ADAM28: variants seen among roughly 807,000 people sequenced by gnomAD.
The protein encoded by ADAM28 is disintegrin and metalloproteinase domain-containing protein 28.
In ADAM28, 105 loss-of-function variants were observed where a neutral mutation model predicts 101.2. The observed-to-expected ratio is 1.04, with a 90% CI of 0.89 to 1.22. The LOEUF (loss-of-function observed/expected upper bound fraction) is 1.22, where lower values mean the gene tolerates loss of function less well. Among genes scored for constraint, ADAM28 ranks in the 50% most tolerant of loss-of-function variants. ADAM28 has a pLI of 0.00. For missense variants in ADAM28, 1,028 were observed against 945.4 expected (o/e 1.09, Z -1.15); for synonymous variants, 322 against 310.6 (o/e 1.04, Z -0.39).
At chr8:24,335,675 C>A (rs6982284) in intron 14 of ADAM28, 34 bp downstream of exon 14, 6 of 1,521,274 alleles carry the variant, frequency 3.9e-6, no homozygotes, top group South Asian at 3.9e-5. Context: ...TGTGCATGTG[C>A]GAAGGAAAAT....
intron 1 of ADAM28, chr8:24,295,665 A>C (rs1807865380): frequency 6.6e-6 from 1 of 152,152 alleles, no homozygotes; most frequent in Non-Finnish European, 1.5e-5. Flanking sequence ...TGGGCACACT[A>C]ATCAGTTCTG....
chr8:24,321,564 G>T (rs373681633), intron 8 of ADAM28: 3 of 395,956 alleles, frequency 7.6e-6, no homozygotes, highest in Non-Finnish European at 1.4e-5. Context: ...CCAAAAATCC[G>T]CTAAGAAAAT....
intron 6 of ADAM28, among the ~76,000 whole-genome samples, chr8:24,314,033 A>G (rs1162139944): frequency 6.6e-6 from 1 of 152,200 alleles, no homozygotes; most frequent in Non-Finnish European, 1.5e-5. Flanking sequence ...CTGAGATTAC[A>G]GGCATGAGCC....
chr8:24,324,332 A>T (rs1404870736), intron 9 of ADAM28, among the ~76,000 whole-genome samples: 1 of 152,016 alleles, frequency 6.6e-6, no homozygotes, highest in Admixed American at 6.6e-5. Context: ...AACATCTAAG[A>T]TATTATTAGA....
chr8:24,309,480 T>G (rs912241794), intron 2 of ADAM28, among the ~76,000 whole-genome samples: 1 of 152,182 alleles, frequency 6.6e-6, no homozygotes, highest in Admixed American at 6.6e-5. Flanking sequence ...GGCTTTAAGA[T>G]GTGAGACATC....
intron 12 of ADAM28, 114 bp downstream of exon 12, chr8:24,331,441 G>T (rs1000112655): frequency 7.6e-6 from 8 of 1,048,964 alleles, no homozygotes; most frequent in South Asian, 2.2e-5. Flanking sequence ...GGTAATTTTG[G>T]GTACGCCCAT....
intron 2 of ADAM28, among the ~76,000 whole-genome samples, chr8:24,303,918 C>T (rs1293751398): frequency 6.6e-6 from 1 of 151,896 alleles, no homozygotes; most frequent in Admixed American, 6.6e-5. Context: ...TGTTATCAAC[C>T]TTTTGCTACT....
At position 24,351,230 on chromosome 8, in the gene ADAM28, A is replaced by C; in HGVS notation, c.2100-2A>C. On this transcript the variant is annotated splice_acceptor_variant, in intron 19 of 22. Transcript: ENST00000265769. LOFTEE classifies it high-confidence loss of function. ...TTGATATCATGTGTTTCTCTCTTACAGGCCACTATCTACCACTGGCACCAG... is the reference window on the plus strand; with the variant it reads ...TTGATATCATGTGTTTCTCTCTTACCGGCCACTATCTACCACTGGCACCAG... The C allele has an allele frequency of 6.3e-7, 1 of 1,581,038 alleles. No homozygotes were observed. The highest frequency in any genetic ancestry group is 8.6e-7 in the Non-Finnish European group (1 of 1,165,938).
intron 15 of ADAM28, 133 bp downstream of exon 15, chr8:24,339,701 G>C (rs1323040992): frequency 3.5e-5 from 26 of 744,436 alleles, no homozygotes; most frequent in Non-Finnish European, 5.7e-5. Context: ...CATTTATTGA[G>C]TAACTACTAT....
chr8:24,350,056 C>G, intron 19 of ADAM28, 84 bp downstream of exon 19: 2 of 1,174,844 alleles, frequency 1.7e-6, no homozygotes. Context: ...CCTATCCTTT[C>G]AAATTGAATT....
At chr8:24,343,006 C>T (rs1814972120) in intron 16 of ADAM28, 95 bp from the exon 17 acceptor site, 2 of 1,565,046 alleles carry the variant, frequency 1.3e-6, no homozygotes, top group South Asian at 1.2e-5. Context: ...GCAGAGCCAC[C>T]TTAAACAACA....
chr8:24,316,363 G>A (rs76904971), intron 6 of ADAM28, among the ~76,000 whole-genome samples: 13 of 151,996 alleles, frequency 8.6e-5, no homozygotes, highest in Non-Finnish European at 1.6e-4. Flanking sequence ...GTTGGAATTC[G>A]AGTTTTGATA....
chr8:24,350,504 T>C (rs576774448), intron 19 of ADAM28, among the ~76,000 whole-genome samples: 1 of 152,064 alleles, frequency 6.6e-6, no homozygotes, highest in South Asian at 2.1e-4. Context: ...AGAGATGGGG[T>C]TTCACCATGT....
At chr8:24,337,093 A>G (rs1280639875) in intron 14 of ADAM28, among the ~76,000 whole-genome samples, 1 of 152,230 alleles carries the variant, frequency 6.6e-6, no homozygotes, top group Non-Finnish European at 1.5e-5. Context: ...AGACCCTAGA[A>G]AAACCTCCCT....
intron 8 of ADAM28, among the ~76,000 whole-genome samples, chr8:24,322,179 G>A (rs982508022): frequency 2.6e-4 from 39 of 151,924 alleles, no homozygotes; most frequent in African/African-American, 8.5e-4. Context: ...TGATAATGCA[G>A]GAAAGACAGA....
At chr8:24,311,802 G>C (rs149916992) in intron 5 of ADAM28, among the ~76,000 whole-genome samples, 22 of 151,998 alleles carry the variant, frequency 1.4e-4, no homozygotes, top group Non-Finnish European at 3.1e-4. Flanking sequence ...ATAGTGGTGC[G>C]ATTTCAGCTC....
intron 15 of ADAM28, among the ~76,000 whole-genome samples, chr8:24,339,860 G>T (rs568885967): frequency 6.6e-6 from 1 of 152,266 alleles, no homozygotes; most frequent in East Asian, 1.9e-4. Context: ...ATGCCACAAA[G>T]AATGGGTCTG....
intron 1 of ADAM28, 57 bp from the exon 2 acceptor site, chr8:24,299,917 C>T (rs1044158829): frequency 2.2e-6 from 3 of 1,365,076 alleles, no homozygotes; most frequent in African/African-American, 2.9e-5. Context: ...ATGGCCTTTA[C>T]TGACCAGCCT....
chr8:24,314,352 G>A (rs951961801), intron 6 of ADAM28, among the ~76,000 whole-genome samples: 15 of 152,112 alleles, frequency 9.9e-5, no homozygotes, highest in Admixed American at 5.2e-4. Flanking sequence ...TCTGGCTACA[G>A]GAACTTAGAA....
Sources: allele counts gnomAD v4.1 joint callset (sites outside exome capture counted in the v4.1 genomes callset), GRCh38; gene constraint gnomAD v4.1.1; transcripts MANE v1.5; gene names NCBI Gene and HGNC (gene_info 2026-07-23, HGNC 2026-07-21).